NKAIN2: variants seen among roughly 807,000 people sequenced by gnomAD.
NKAIN2 encodes sodium/potassium transporting ATPase interacting 2.
NKAIN2 carries 14 observed loss-of-function variants against 32.6 expected under a neutral mutation model. That is an observed-to-expected ratio of 0.43 (90% CI 0.28 to 0.67). The LOEUF (loss-of-function observed/expected upper bound fraction) is 0.67, where lower values mean the gene tolerates loss of function less well. Among genes scored for constraint, NKAIN2 ranks in the 30% least tolerant of loss-of-function variants. The pLI, the probability that NKAIN2 is intolerant of heterozygous loss-of-function variation, is 0.17. For missense variants in NKAIN2, 198 were observed against 258.3 expected (o/e 0.77, Z 1.60); for synonymous variants, 80 against 87.2 (o/e 0.92, Z 0.46).
Position 124,539,578 on chromosome 6 carries a change from CAAGT to C in NKAIN2, c.274-118604_274-118601del, listed in dbSNP as rs551162534. ...CTATAAATAAAAACCTCGTTAAAAA[CAAGT>C]AAGAAGAATTTTATTACATTTTAGT... On this transcript the variant is annotated intron_variant, in intron 3 of 6. Transcript: ENST00000368417. Among the ~76,000 whole-genome samples the C allele has an allele frequency of 4.9e-4, 74 of 152,146 alleles. 1 individual carries two copies. The highest frequency in any genetic ancestry group is 1.0e-3 in the Admixed American group (16 of 15,286).
At chr6:124,351,252 A>G (rs1244864236) in intron 2 of NKAIN2, among the ~76,000 whole-genome samples, 1 of 152,126 alleles carries the variant, frequency 6.6e-6, no homozygotes, top group Non-Finnish European at 1.5e-5. Flanking sequence ...AATGTTTTAT[A>G]TCAGTTAATA....
At chr6:123,851,336 G>A (rs1014146894) in intron 1 of NKAIN2, among the ~76,000 whole-genome samples, 8 of 128,304 alleles carry the variant, frequency 6.2e-5, no homozygotes, top group Middle Eastern at 5.6e-3. Flanking sequence ...TACAACCTCC[G>A]CCTCCTAGGT....
intron 3 of NKAIN2, among the ~76,000 whole-genome samples, chr6:124,480,384 T>C (rs1366095943): frequency 6.6e-6 from 1 of 152,064 alleles, no homozygotes; most frequent in Non-Finnish European, 1.5e-5. Flanking sequence ...GGTTTCTAAG[T>C]GTGTTAGGAA....
intron 1 of NKAIN2, among the ~76,000 whole-genome samples, chr6:124,207,761 C>T (rs1412274033): frequency 6.6e-6 from 1 of 151,748 alleles, no homozygotes; most frequent in Non-Finnish European, 1.5e-5. Context: ...AAAATAAACC[C>T]TATTTTGTTT....
At chr6:124,701,353 T>C (rs1774781467) in intron 4 of NKAIN2, among the ~76,000 whole-genome samples, 1 of 152,110 alleles carries the variant, frequency 6.6e-6, no homozygotes, top group Non-Finnish European at 1.5e-5. Context: ...CTTTCTTTGT[T>C]TGAGCTGCTC....
chr6:123,910,710 T>G lies in NKAIN2; in HGVS notation c.54+106456T>G, dbSNP rs611030. Reference sequence around the variant, plus strand: ...TAGTAGAGATGAGGTTTCATCATGTTGGCCAGGATGGTCTCGATCTCTTGA... The same window carrying G: ...TAGTAGAGATGAGGTTTCATCATGTGGGCCAGGATGGTCTCGATCTCTTGA... On this transcript the variant is annotated intron_variant, in intron 1 of 6. Coordinates refer to ENST00000368417, the MANE Select transcript of NKAIN2 (RefSeq NM_001040214.3). Among the ~76,000 whole-genome samples, 686 of 152,064 alleles carry G rather than the reference T, an allele frequency of 4.5e-3. 4 individuals carry two copies. Among genetic ancestry groups the G allele is most frequent in the Middle Eastern group, 0.031 (9 of 294 alleles).
intron 4 of NKAIN2, among the ~76,000 whole-genome samples, chr6:124,715,841 G>A (rs1449189623): frequency 6.6e-6 from 1 of 152,136 alleles, no homozygotes; most frequent in Non-Finnish European, 1.5e-5. Context: ...TGGCTAAAGC[G>A]AATGCTCTAG....
chr6:123,804,674 C>A (rs568084166), intron 1 of NKAIN2, among the ~76,000 whole-genome samples: 1 of 152,152 alleles, frequency 6.6e-6, no homozygotes, highest in South Asian at 2.1e-4. Flanking sequence ...TTTGTTTCTT[C>A]ATAGACATGT....
chr6:124,778,132 A>T (rs1035893912), intron 4 of NKAIN2, among the ~76,000 whole-genome samples: 1 of 152,116 alleles, frequency 6.6e-6, no homozygotes, highest in South Asian at 2.1e-4. Flanking sequence ...GCAAGAAAAA[A>T]ATGCAAACAG....
chr6:123,957,174 T>C (rs1777632856), intron 1 of NKAIN2, among the ~76,000 whole-genome samples: 1 of 152,164 alleles, frequency 6.6e-6, no homozygotes, highest in Admixed American at 6.6e-5. Context: ...TAAATTGGGG[T>C]CAGATTAGGC....
intron 2 of NKAIN2, among the ~76,000 whole-genome samples, chr6:124,290,052 A>C: frequency 7.3e-6 from 1 of 136,602 alleles, no homozygotes; most frequent in East Asian, 2.2e-4. Context: ...GGGAGGGAGA[A>C]AACAAAAAAA....
Position 124,483,685 on chromosome 6 carries a change from T to C in NKAIN2, c.273+128338T>C, listed in dbSNP as rs76909207. ...ATTCTATTCACAGTTAATAAAATCA[T>C]CTTTTAAATCTATGCAAGGACAGAC... On this transcript the variant is annotated intron_variant, in intron 3 of 6. Transcript: ENST00000368417. 4.9e-3 allele frequency among the ~76,000 whole-genome samples: 744 copies of C among 152,192 alleles called. 30 individuals are homozygous for C. In the East Asian group the frequency reaches 0.081, roughly 17 times the overall value.
At chr6:124,444,328 A>T (rs1443513506) in intron 3 of NKAIN2, among the ~76,000 whole-genome samples, 2 of 152,074 alleles carry the variant, frequency 1.3e-5, no homozygotes, top group Admixed American at 1.3e-4. Flanking sequence ...AGTATAAATT[A>T]TGTAAATAGT....
intron 1 of NKAIN2, among the ~76,000 whole-genome samples, chr6:124,169,809 C>A (rs113817109): frequency 7.9e-5 from 12 of 152,038 alleles, no homozygotes; most frequent in African/African-American, 2.7e-4. Context: ...GCATCCTCAC[C>A]ATTGGGGTGG....
At chr6:123,955,814 A>AG (rs1777553347) in intron 1 of NKAIN2, among the ~76,000 whole-genome samples, 5 of 151,920 alleles carry the variant, frequency 3.3e-5, no homozygotes, top group East Asian at 1.9e-4. Context: ...TTTGGAGAGA[A>AG]GGGGGGTCTT....
intron 3 of NKAIN2, among the ~76,000 whole-genome samples, chr6:124,569,464 A>G (rs2114913909): frequency 6.6e-6 from 1 of 152,166 alleles, no homozygotes. Context: ...CCCAAATCTC[A>G]CTTAGAATTG....
At chr6:124,049,226 C>G (rs557457419) in intron 1 of NKAIN2, among the ~76,000 whole-genome samples, 149 of 151,928 alleles carry the variant, frequency 9.8e-4, no homozygotes, top group African/African-American at 3.5e-3. Flanking sequence ...CATGGCTTAG[C>G]CTTGTTTCTA....
At chr6:124,049,857 C>A (rs1378029008) in intron 1 of NKAIN2, among the ~76,000 whole-genome samples, 3 of 151,948 alleles carry the variant, frequency 2.0e-5, no homozygotes, top group Non-Finnish European at 4.4e-5. Context: ...CTTATAATGG[C>A]CCCAGAGTGC....
intron 2 of NKAIN2, among the ~76,000 whole-genome samples, chr6:124,342,086 T>C (rs1274925831): frequency 2.6e-5 from 4 of 152,166 alleles, no homozygotes; most frequent in Non-Finnish European, 5.9e-5. Context: ...ATGTTTGTTT[T>C]ATGAGTATAC....
Sources: gnomAD v4.1 joint callset for allele counts (sites outside exome capture counted in the v4.1 genomes callset) on GRCh38, gnomAD v4.1.1 for gene constraint, MANE v1.5 for transcripts, NCBI Gene and HGNC (gene_info 2026-07-23, HGNC 2026-07-21) for gene names.